Variants in EVI5 observed in about 807,000 individuals in gnomAD.
The protein encoded by EVI5 is ecotropic viral integration site 5 protein homolog.
In EVI5, 73 loss-of-function variants were observed where a neutral mutation model predicts 112.0. That is an observed-to-expected ratio of 0.65 (90% CI 0.54 to 0.79). The LOEUF (loss-of-function observed/expected upper bound fraction) is 0.79, where lower values mean the gene tolerates loss of function less well. Among genes scored for constraint, EVI5 ranks in the 30% least tolerant of loss-of-function variants. EVI5 has a pLI of 0.00. For missense variants in EVI5, 900 were observed against 968.8 expected (o/e 0.93, Z 0.94); for synonymous variants, 305 against 319.9 (o/e 0.95, Z 0.50).
chr1:92,587,786 C>T (rs1020472552), intron 18 of EVI5, among the ~76,000 whole-genome samples: 26 of 152,220 alleles, frequency 1.7e-4, no homozygotes, highest in African/African-American at 5.3e-4. Flanking sequence ...TAGACCTACA[C>T]TCTTTTAAAT....
chr1:92,545,151 TTTAA>T (rs1289106021), intron 19 of EVI5, among the ~76,000 whole-genome samples: 1 of 152,236 alleles, frequency 6.6e-6, no homozygotes, highest in African/African-American at 2.4e-5. Context: ...TCAATTACTC[TTTAA>T]TTGACACTTA....
At chr1:92,657,978 T>A (rs924659485) in intron 13 of EVI5, among the ~76,000 whole-genome samples, 1 of 152,158 alleles carries the variant, frequency 6.6e-6, no homozygotes, top group African/African-American at 2.4e-5. Flanking sequence ...CTTTGCCCCA[T>A]GATCCAAACA....
chr1:92,550,051 T>G (rs1158136117), intron 19 of EVI5, among the ~76,000 whole-genome samples: 4 of 152,150 alleles, frequency 2.6e-5, no homozygotes, highest in African/African-American at 9.7e-5. Context: ...CATGCACATA[T>G]GTTTACTGCA....
intron 1 of EVI5, among the ~76,000 whole-genome samples, chr1:92,753,669 T>C (rs569768202): frequency 6.6e-6 from 1 of 152,314 alleles, no homozygotes; most frequent in South Asian, 2.1e-4. Flanking sequence ...GGGGCCTCCA[T>C]ATTAAACAAC....
chr1:92,593,913 AT>A (rs1674453867), intron 18 of EVI5, among the ~76,000 whole-genome samples: 1 of 152,256 alleles, frequency 6.6e-6, no homozygotes, highest in South Asian at 2.1e-4. Context: ...GCTCAATGAA[AT>A]AAAGGAGGAC....
At chr1:92,786,052 C>T (rs529177390), upstream of EVI5, among the ~76,000 whole-genome samples, 34 of 150,492 alleles carry the variant, frequency 2.3e-4, no homozygotes, top group African/African-American at 8.0e-4. Context: ...GATCGCGCCA[C>T]TGCACTCCAG....
chr1:92,789,152 C>G (rs1276484535), upstream of EVI5, among the ~76,000 whole-genome samples: 12 of 152,080 alleles, frequency 7.9e-5, no homozygotes, highest in Non-Finnish European at 5.9e-5. Context: ...TACTCATCTA[C>G]TAGATCGAGA....
At chr1:92,542,589 A>G (rs931850866) in intron 19 of EVI5, among the ~76,000 whole-genome samples, 1 of 152,240 alleles carries the variant, frequency 6.6e-6, no homozygotes, top group African/African-American at 2.4e-5. Flanking sequence ...TAGAGGAATC[A>G]CTATATATGG....
At chr1:92,692,322 A>C (rs1403613360) in intron 9 of EVI5, among the ~76,000 whole-genome samples, 1 of 152,216 alleles carries the variant, frequency 6.6e-6, no homozygotes, top group Non-Finnish European at 1.5e-5. Flanking sequence ...AGTCAAATAA[A>C]TTCTCTGCCT....
intron 1 of EVI5, among the ~76,000 whole-genome samples, chr1:92,746,660 A>G (rs1366232519): frequency 6.6e-6 from 1 of 152,156 alleles, no homozygotes; most frequent in Non-Finnish European, 1.5e-5. Flanking sequence ...CAGGAGGCCA[A>G]GGCAGAAGGA....
At chr1:92,781,699 AAC>A (rs1369771941) in intron 1 of EVI5, among the ~76,000 whole-genome samples, 1 of 151,982 alleles carries the variant, frequency 6.6e-6, no homozygotes, top group Non-Finnish European at 1.5e-5. Flanking sequence ...CTGTAATCAC[AAC>A]ACTTTGGGAG....
At chr1:92,528,652 C>T (rs1270924457) in intron 19 of EVI5, among the ~76,000 whole-genome samples, 3 of 152,154 alleles carry the variant, frequency 2.0e-5, no homozygotes, top group Admixed American at 1.3e-4. Context: ...CATGGAACTA[C>T]GTGGGTAAAT....
At chr1:92,561,252 GTTTA>G (rs1346363589) in intron 19 of EVI5, among the ~76,000 whole-genome samples, 1 of 151,892 alleles carries the variant, frequency 6.6e-6, no homozygotes, top group East Asian at 1.9e-4. Flanking sequence ...CAAAATTGTA[GTTTA>G]TTATTTTGTA....
At chr1:92,717,128 G>A (rs1344964237) in intron 2 of EVI5, among the ~76,000 whole-genome samples, 3 of 152,180 alleles carry the variant, frequency 2.0e-5, no homozygotes, top group Non-Finnish European at 4.4e-5. Flanking sequence ...TGAGAACTAC[G>A]TGATGCATAC....
chr1:92,652,026 T>C (rs1296360889), intron 13 of EVI5, among the ~76,000 whole-genome samples: 1 of 152,168 alleles, frequency 6.6e-6, no homozygotes, highest in Non-Finnish European at 1.5e-5. Context: ...GAGCAGGAAC[T>C]TAAACAGATA....
intron 19 of EVI5, among the ~76,000 whole-genome samples, chr1:92,550,776 AAAAAAATATATATATATATATATAT>A (rs1666708012): frequency 1.5e-5 from 1 of 65,878 alleles, no homozygotes; most frequent in African/African-American, 7.0e-5. Flanking sequence ...AAAAAAAAAA[AAAAAAATATATATATATATATATAT>A]ATATATATAT....
At chr1:92,665,881 T>C in intron 11 of EVI5, 58 bp downstream of exon 11, 1 of 1,212,994 alleles carries the variant, frequency 8.2e-7, no homozygotes. Flanking sequence ...TTTTAATAAA[T>C]ATACAGAAAA....
chr1:92,649,685 G>A (rs1240364935), intron 13 of EVI5, among the ~76,000 whole-genome samples: 1 of 152,038 alleles, frequency 6.6e-6, no homozygotes. Context: ...ATGGTGGCAT[G>A]TGCCTGTAGT....
chr1:92,663,922 A>T (rs1472125395), intron 11 of EVI5, among the ~76,000 whole-genome samples: 3 of 152,150 alleles, frequency 2.0e-5, no homozygotes, highest in African/African-American at 7.2e-5. Context: ...TAGTTTTAAA[A>T]TTTTTTGTAG....
Sources: gnomAD v4.1 joint callset for allele counts (sites outside exome capture counted in the v4.1 genomes callset) on GRCh38, gnomAD v4.1.1 for gene constraint, MANE v1.5 for transcripts, NCBI Gene and HGNC (gene_info 2026-07-23, HGNC 2026-07-21) for gene names.